VANGL2: variants seen among roughly 807,000 people sequenced by gnomAD.
VANGL2 encodes the protein vang-like protein 2.
A neutral mutation model predicts 50.2 loss-of-function variants in VANGL2; 14 were observed. The observed-to-expected ratio is 0.28, with a 90% CI of 0.18 to 0.44. VANGL2 has a LOEUF of 0.44. Among genes scored for constraint, VANGL2 ranks in the 20% least tolerant of loss-of-function variants. The probability of loss-of-function intolerance (pLI) is 1.00; values close to 1 mark genes in which losing one functional copy is unlikely to be tolerated. For missense variants in VANGL2, 533 were observed against 701.5 expected (o/e 0.76, Z 2.71); for synonymous variants, 295 against 297.2 (o/e 0.99, Z 0.08).
intron 1 of VANGL2, among the ~76,000 whole-genome samples, chr1:160,414,130 G>T (rs1458800531): frequency 6.6e-6 from 1 of 152,210 alleles, no homozygotes; most frequent in East Asian, 1.9e-4. Flanking sequence ...TACTACTGCA[G>T]TCGCCTCCTT....
chr1:160,405,922 T>C (rs999008154), intron 1 of VANGL2, among the ~76,000 whole-genome samples: 3 of 152,136 alleles, frequency 2.0e-5, no homozygotes, highest in African/African-American at 7.2e-5. Context: ...CTAGAGGTGG[T>C]TCCATCTTAT....
intron 6 of VANGL2, among the ~76,000 whole-genome samples, chr1:160,423,603 T>C (rs1004250834): frequency 6.6e-6 from 1 of 152,222 alleles, no homozygotes; most frequent in Non-Finnish European, 1.5e-5. Flanking sequence ...AATCCCTTGT[T>C]GGTTTTAGAT....
chr1:160,426,951 C>T lies in VANGL2; in HGVS notation c.*1573C>T, dbSNP rs1348471918. 6.6e-6 allele frequency: 1 copy of T among 152,458 alleles called. No individual in the cohort carries two copies. Among genetic ancestry groups the T allele is most frequent in the Non-Finnish European group, 1.5e-5 (1 of 68,122 alleles). The allele number at this position is 152,458 out of a possible 1,614,324, so 9.4% of individuals were successfully genotyped here. The stretch of plus-strand genomic sequence containing the variant: ...TGGGAGGCTCCCCCTCTGTGTAGCA[C>T]CAGCCCTGGGAATGATGGAGCCTAG... On this transcript the variant is annotated 3_prime_UTR_variant, in exon 8 of 8. Coordinates refer to ENST00000368061, the MANE Select transcript of VANGL2 (RefSeq NM_020335.3).
intron 1 of VANGL2, among the ~76,000 whole-genome samples, chr1:160,410,673 T>G (rs1452520856): frequency 1.6e-5 from 2 of 126,096 alleles, no homozygotes; most frequent in Non-Finnish European, 3.2e-5. Context: ...CCACCCCCCT[T>G]ATACACACAC....
intron 3 of VANGL2, among the ~76,000 whole-genome samples, chr1:160,417,685 G>C (rs553751689): frequency 2.0e-5 from 3 of 152,224 alleles, no homozygotes; most frequent in African/African-American, 4.8e-5. Flanking sequence ...GAGAACAGGT[G>C]CTTATTGCCC....
rs1651173046 is a variant in VANGL2, at chr1:160,419,250, C to T, written c.441C>T (p.Gly147=). 1.2e-6 allele frequency: 2 copies of T among 1,608,468 alleles called. No individual in the cohort carries two copies. Among genetic ancestry groups the T allele is most frequent in the African/African-American group, 1.3e-5 (1 of 75,026 alleles). Residue 147 remains glycine, a synonymous_variant, in exon 4 of 8, where the codon GGC becomes GGT. Coordinates refer to ENST00000368061, the MANE Select transcript of VANGL2 (RefSeq NM_020335.3). This position sits in a 1 kb window ranked among gnomAD's most constrained non-coding sequence, Gnocchi z 5.8. ...ELEPCGTACE[G]LFISVAFKLL... ...AGCCTTGCGGGACGGCCTGCGAGGG[C>T]CTCTTCATCTCTGTCGCCTTCAAGC...
rs200125782 is a variant in VANGL2 at position 160,421,011 on chromosome 1, C to T, written c.938-41C>T. ...GCTCCTGGAGTGGGAAGAGAGGCCA[C>T]ACTCTGATGTGACCATCTCCTCTAT... On this transcript the variant is annotated intron_variant, in intron 5 of 7. Coordinates refer to ENST00000368061, the MANE Select transcript of VANGL2 (RefSeq NM_020335.3). 1.9e-6 allele frequency: 3 copies of T among 1,613,330 alleles called. No homozygotes were observed. In the African/African-American group the frequency reaches 4.0e-5, roughly 22 times the overall value.
chr1:160,415,345 C>T (rs1053385182), intron 1 of VANGL2, among the ~76,000 whole-genome samples: 1 of 152,226 alleles, frequency 6.6e-6, no homozygotes, highest in African/African-American at 2.4e-5. Flanking sequence ...GGAAGCAATG[C>T]CCTGCTCCTC....
At chr1:160,418,940 C>A in intron 3 of VANGL2, 62 bp from the exon 4 acceptor site, 1 of 1,545,788 alleles carries the variant, frequency 6.5e-7, no homozygotes, top group Non-Finnish European at 8.8e-7. Context: ...CTCCTGTTTC[C>A]CTCCTCTTCC....
chr1:160,425,389 G>A lies in VANGL2; in HGVS notation c.*11G>A, dbSNP rs367833005. The A allele has an allele frequency of 1.5e-5, 21 of 1,375,926 alleles. No individual in the cohort carries two copies. In the African/African-American group the frequency reaches 3.1e-4, roughly 21 times the overall value. 85.2% of individuals were successfully genotyped at this position (1,375,926 alleles called of 1,614,324 possible). On this transcript the variant is annotated 3_prime_UTR_variant, in exon 8 of 8. Coordinates refer to ENST00000368061, the MANE Select transcript of VANGL2 (RefSeq NM_020335.3). Reference sequence around the variant, plus strand: ...GAGACCTCAGTGTGACTGTGCAACAGCAGGGGGAGTGGGAAACTCTGGGGG... The same window carrying A: ...GAGACCTCAGTGTGACTGTGCAACAACAGGGGGAGTGGGAAACTCTGGGGG...
At chr1:160,416,304 A>G (rs956382610) in intron 3 of VANGL2, 122 bp downstream of exon 3, 27 of 1,542,786 alleles carry the variant, frequency 1.8e-5, no homozygotes, top group Admixed American at 5.1e-5. Flanking sequence ...CAGATCGGGG[A>G]GTGTGTTTTG....
At chr1:160,405,760 T>C (rs777181131) in intron 1 of VANGL2, among the ~76,000 whole-genome samples, 1 of 152,062 alleles carries the variant, frequency 6.6e-6, no homozygotes, top group Non-Finnish European at 1.5e-5. Context: ...AGGTCTGCTT[T>C]ACTGTAAGTG....
chr1:160,424,217 C>A lies in VANGL2; in HGVS notation c.1239C>A (p.Pro413=), dbSNP rs144435825. 1.2e-6 allele frequency: 2 copies of A among 1,614,088 alleles called. No homozygotes were observed. The highest frequency in any genetic ancestry group is 1.7e-6 in the Non-Finnish European group (2 of 1,180,034). The change falls in exon 7 of 8, where the codon CCC becomes CCA. Residue 413 remains proline, a synonymous_variant. Coordinates refer to ENST00000368061, the MANE Select transcript of VANGL2 (RefSeq NM_020335.3). Reference sequence around the variant, plus strand: ...ACCTTCGGACCACCAAGCAGCAGCCCTACCACACCATGGAGAGCATCCTGC... The same window carrying A: ...ACCTTCGGACCACCAAGCAGCAGCCATACCACACCATGGAGAGCATCCTGC... ...QKYLRTTKQQ[P]YHTMESILQH... is the part of the protein sequence containing the mutation.
At position 160,416,038 on chromosome 1, in the gene VANGL2, G is replaced by A. The variant is rs764947686; in HGVS notation, c.72-24G>A. On this transcript the variant is annotated intron_variant, in intron 2 of 7. Transcript: ENST00000368061. ...CCTGGTCCACCACTGGACTTTCTGT[G>A]CCTTTTCTGGCTTCCTGCCGCAGGG... 3 of 1,614,178 alleles carry A rather than the reference G, an allele frequency of 1.9e-6. No individual in the cohort carries two copies. In the Admixed American group the frequency reaches 5.0e-5, roughly 27 times the overall value.
chr1:160,415,900 C>T lies in VANGL2; in HGVS notation c.63C>T (p.Arg21=). The change falls in exon 2 of 8, where the codon CGC becomes CGT. Residue 21 remains arginine, a synonymous_variant. Transcript: ENST00000368061. ...AGTCGGGCCACTCCCGCAGCTCCCG[C>T]AAGCACAGGTGGGCAGGCATGCAGG... ...SYKSGHSRSS[R]KHRDRRDRHR... The T allele has an allele frequency of 6.2e-7, 1 of 1,614,176 alleles. No homozygotes were observed. Among genetic ancestry groups the T allele is most frequent in the Non-Finnish European group, 8.5e-7 (1 of 1,180,036 alleles).
chr1:160,412,203 A>G (rs2101955975), intron 1 of VANGL2, among the ~76,000 whole-genome samples: 1 of 152,246 alleles, frequency 6.6e-6, no homozygotes, highest in South Asian at 2.1e-4. Flanking sequence ...TTTTGAACTC[A>G]GATCTTTGAG....
At chr1:160,409,251 C>A (rs79942415) in intron 1 of VANGL2, among the ~76,000 whole-genome samples, 1 of 152,174 alleles carries the variant, frequency 6.6e-6, no homozygotes, top group African/African-American at 2.4e-5. Flanking sequence ...AGTGTTACTA[C>A]GATTTTCCAA....
At position 160,415,899 on chromosome 1, in the gene VANGL2, G is replaced by C; in HGVS notation, c.62G>C (p.Arg21Pro). The C allele has an allele frequency of 6.2e-7, 1 of 1,614,146 alleles. No individual in the cohort carries two copies. The highest frequency in any genetic ancestry group is 8.5e-7 in the Non-Finnish European group (1 of 1,180,018). ...SYKSGHSRSS[R>P]KHRDRRDRHR... ...AAGTCGGGCCACTCCCGCAGCTCCC[G>C]CAAGCACAGGTGGGCAGGCATGCAG... Residue 21 changes from arginine to proline, a missense_variant, in exon 2 of 8, where the codon CGC becomes CCC. Coordinates refer to ENST00000368061, the MANE Select transcript of VANGL2 (RefSeq NM_020335.3).
chr1:160,414,985 C>T (rs921263232), intron 1 of VANGL2, among the ~76,000 whole-genome samples: 2 of 152,206 alleles, frequency 1.3e-5, no homozygotes, highest in African/African-American at 4.8e-5. Flanking sequence ...AGAAACTTGT[C>T]TTCTCCTCCC....
Sources: allele counts gnomAD v4.1 joint callset (sites outside exome capture counted in the v4.1 genomes callset), GRCh38; gene constraint gnomAD v4.1.1; non-coding constraint Gnocchi (gnomAD v3.1); transcripts MANE v1.5; gene names NCBI Gene and HGNC (gene_info 2026-07-23, HGNC 2026-07-21).